The following NPR3 variants were observed in gnomAD, a reference collection of about 807,000 sequenced individuals.
NPR3 encodes the protein atrial natriuretic peptide receptor 3.
In NPR3, 34 loss-of-function variants were observed where a neutral mutation model predicts 54.5. That is an observed-to-expected ratio of 0.62 (90% confidence interval 0.47 to 0.83). The LOEUF (loss-of-function observed/expected upper bound fraction) is 0.83. Among genes scored for constraint, NPR3 ranks in the 40% least tolerant of loss-of-function variants. The pLI is 0.00. For synonymous variants in NPR3, 289 were observed against 297.1 expected, an observed-to-expected ratio of 0.97 and a Z score of 0.28; for missense variants, 674 against 720.8, an observed-to-expected ratio of 0.94 and a Z score of 0.74.
At chr5:32,710,735 C>G, upstream of NPR3, 1 of 1,547,476 alleles carries the variant, frequency 6.5e-7, no homozygotes, top group East Asian at 2.5e-5. Flanking sequence ...AGGTCAGGTG[C>G]TCGCCCCGCG....
chr5:32,768,532 C>G lies in NPR3; in HGVS notation c.1060-6176C>G, dbSNP rs140537637. ...CCTTGTTGCTTCCCATGAACAAGAC[C>G]AGCTTTCCTTGCTGAGGTGTGCTTA... On this transcript the variant is annotated intron_variant, in intron 3 of 7. Coordinates refer to ENST00000265074, the MANE Select transcript of NPR3 (RefSeq NM_001204375.2). 2.6e-5 allele frequency among the ~76,000 whole-genome samples: 4 copies of G among 152,268 alleles called. No homozygotes were observed. In the East Asian group the frequency reaches 7.7e-4, roughly 29 times the overall value.
At chr5:32,732,902 T>C (rs1382724768) in intron 2 of NPR3, among the ~76,000 whole-genome samples, 2 of 152,210 alleles carry the variant, frequency 1.3e-5, no homozygotes, top group Non-Finnish European at 2.9e-5. Flanking sequence ...TGAATTGCAG[T>C]GGCATGATCT....
upstream of NPR3, among the ~76,000 whole-genome samples, chr5:32,707,755 G>A (rs1470776476): frequency 6.6e-6 from 1 of 152,136 alleles, no homozygotes; most frequent in East Asian, 1.9e-4. Flanking sequence ...GGATGCCAAG[G>A]GAGAAGAGTT....
intron 3 of NPR3, among the ~76,000 whole-genome samples, chr5:32,748,140 T>A (rs1386798951): frequency 6.6e-6 from 1 of 152,218 alleles, no homozygotes; most frequent in Non-Finnish European, 1.5e-5. Flanking sequence ...TAAAATTTTC[T>A]TTGAATACTA....
At chr5:32,720,477 G>A (rs1173777198) in intron 1 of NPR3, among the ~76,000 whole-genome samples, 1 of 152,176 alleles carries the variant, frequency 6.6e-6, no homozygotes, top group Non-Finnish European at 1.5e-5. Context: ...GCTGTTCTTA[G>A]AGTGATTGCA....
chr5:32,756,918 A>T (rs541333887), intron 3 of NPR3, among the ~76,000 whole-genome samples: 31 of 152,182 alleles, frequency 2.0e-4, no homozygotes, highest in Non-Finnish European at 4.0e-4. Flanking sequence ...GGCTGTAGAT[A>T]TGTGGTATTA....
chr5:32,724,464 G>A (rs574872664), intron 1 of NPR3, among the ~76,000 whole-genome samples: 2 of 152,310 alleles, frequency 1.3e-5, no homozygotes, highest in African/African-American at 2.4e-5. Flanking sequence ...TGTTATTCCA[G>A]GTGTCTCATG....
At chr5:32,708,266 T>C (rs1012860737), upstream of NPR3, among the ~76,000 whole-genome samples, 3 of 152,062 alleles carry the variant, frequency 2.0e-5, no homozygotes, top group Non-Finnish European at 4.4e-5. Flanking sequence ...TACTTATTTT[T>C]CCCCATTTCA....
In NPR3 at chr5:32,777,970, C is replaced by G. The variant is rs554957001; in HGVS notation, c.1196-2752C>G. 2.5e-4 allele frequency among the ~76,000 whole-genome samples: 38 copies of G among 152,270 alleles called. No homozygotes were observed. In the South Asian group the frequency reaches 7.7e-3, roughly 31 times the overall value. On this transcript the variant is annotated intron_variant, in intron 4 of 7. Coordinates refer to ENST00000265074, the MANE Select transcript of NPR3 (RefSeq NM_001204375.2). ...CCACATCCCATTCTTAGCTATTACT[C>G]ACTACATGGTGTGGTCATTTGTTCT...
chr5:32,710,036 G>A (rs1159929556), upstream of NPR3: 2 of 152,196 alleles, frequency 1.3e-5, no homozygotes, highest in Non-Finnish European at 2.9e-5. Context: ...CCCGCCCAGT[G>A]TAGCCCGTTC....
At chr5:32,720,425 C>A (rs1219260297) in intron 1 of NPR3, among the ~76,000 whole-genome samples, 3 of 152,182 alleles carry the variant, frequency 2.0e-5, no homozygotes, top group Non-Finnish European at 2.9e-5. Context: ...GTTTTTGATT[C>A]TCTGAATTGA....
At chr5:32,755,798 T>C (rs1027083220) in intron 3 of NPR3, among the ~76,000 whole-genome samples, 18 of 152,180 alleles carry the variant, frequency 1.2e-4, no homozygotes, top group Middle Eastern at 3.2e-3. Context: ...TTGTCTTCTT[T>C]GATGACAAAG....
chr5:32,765,105 G>C (rs17541562), intron 3 of NPR3, among the ~76,000 whole-genome samples: 6,298 of 152,116 alleles, frequency 0.041, 148 homozygotes, highest in Non-Finnish European at 0.051. Flanking sequence ...TACTAGGTTG[G>C]TGCATTAAAA....
At chr5:32,781,027 G>T (rs1329012595) in intron 5 of NPR3, among the ~76,000 whole-genome samples, 1 of 152,146 alleles carries the variant, frequency 6.6e-6, no homozygotes, top group Non-Finnish European at 1.5e-5. Flanking sequence ...CCTTCAAGTG[G>T]CCAAGAATCA....
chr5:32,702,456 G>T (rs567842751), intron 1 of NPR3, among the ~76,000 whole-genome samples: 2 of 126,550 alleles, frequency 1.6e-5, no homozygotes, highest in East Asian at 4.6e-4. Context: ...TCCCCTTCCT[G>T]TGTCCATGTG....
At chr5:32,736,739 G>A (rs190992643) in intron 2 of NPR3, among the ~76,000 whole-genome samples, 1 of 152,076 alleles carries the variant, frequency 6.6e-6, no homozygotes, top group African/African-American at 2.4e-5. Context: ...CCCGAGCAGG[G>A]GTATGGCTCT....
At position 32,711,832 on chromosome 5, in the gene NPR3, T is replaced by C; in HGVS notation, c.56T>C (p.Leu19Ser). 6.9e-7 allele frequency: 1 copy of C among 1,459,812 alleles called. No homozygotes were observed. The highest frequency in any genetic ancestry group is 9.0e-7 in the Non-Finnish European group (1 of 1,107,696). 90.4% of individuals were successfully genotyped at this position (1,459,812 alleles called of 1,614,324 possible). ...CCGTGCGTACTACTCGGCTGGGCGT[T>C]GCTGGCCGGCGGCACCGGTGGCGGT... ...FSPCVLLGWA[L>S]LAGGTGGGGV... Residue 19 changes from leucine to serine, a missense_variant, in exon 1 of 8, where the codon TTG (leucine) becomes TCG (serine). Transcript: ENST00000265074.
intron 4 of NPR3, among the ~76,000 whole-genome samples, chr5:32,777,397 G>A (rs1485722767): frequency 6.6e-6 from 1 of 152,170 alleles, no homozygotes; most frequent in African/African-American, 2.4e-5. Context: ...TAATAAGGAG[G>A]TTGGTCTAGT....
At position 32,711,984 on chromosome 5, in the gene NPR3, A is replaced by T; in HGVS notation, c.208A>T (p.Thr70Ser). 2 of 1,609,712 alleles carry T rather than the reference A, an allele frequency of 1.2e-6. No individual in the cohort carries two copies. Among genetic ancestry groups the T allele is most frequent in the Non-Finnish European group, 1.7e-6 (2 of 1,177,998 alleles). ...PQDDSYLFSL[T>S]RVRPAIEYAL... The stretch of plus-strand genomic sequence containing the variant: ...GGATGACTCGTACTTGTTTTCACTC[A>T]CCCGGGTGCGGCCGGCCATCGAGTA... The change falls in exon 1 of 8, where the codon ACC (threonine) becomes TCC (serine). Residue 70 changes from threonine (T) to serine (S), a missense_variant. By Grantham distance (58) the Thr-to-Ser change is moderately conservative (BLOSUM62 1). Coordinates refer to ENST00000265074, the MANE Select transcript of NPR3 (RefSeq NM_001204375.2).
Sources: gnomAD v4.1 joint callset for allele counts (sites outside exome capture counted in the v4.1 genomes callset) on GRCh38, gnomAD v4.1.1 for gene constraint, MANE v1.5 for transcripts, NCBI Gene and HGNC (gene_info 2026-07-23, HGNC 2026-07-21) for gene names.